FAM135B: variants seen among roughly 807,000 people sequenced by gnomAD.
FAM135B encodes family with sequence similarity 135 member B.
A neutral mutation model predicts 127.7 loss-of-function variants in FAM135B; 43 were observed. The observed-to-expected ratio is 0.34, with a 90% CI of 0.26 to 0.43. The LOEUF is 0.43. Among genes scored for constraint, FAM135B ranks in the 20% least tolerant of loss-of-function variants. FAM135B has a pLI of 1.00. For synonymous variants in FAM135B, 670 were observed against 665.1 expected, an observed-to-expected ratio of 1.01 and a Z score of -0.11; for missense variants, 1,558 against 1,725.6, an observed-to-expected ratio of 0.90 and a Z score of 1.72.
chr8:138,355,909 G>A (rs981510251), intron 2 of FAM135B, among the ~76,000 whole-genome samples: 4 of 152,250 alleles, frequency 2.6e-5, no homozygotes, highest in South Asian at 2.1e-4. Context: ...CCCTCCTAAC[G>A]GTGTTAAGAG....
chr8:138,488,963 C>G (rs1233518610), intron 1 of FAM135B, among the ~76,000 whole-genome samples: 1 of 152,172 alleles, frequency 6.6e-6, no homozygotes, highest in Admixed American at 6.5e-5. Context: ...TCACGCCCGG[C>G]GTTTGTTTGA....
chr8:138,202,635 A>G (rs558111703), intron 7 of FAM135B, among the ~76,000 whole-genome samples: 2 of 152,316 alleles, frequency 1.3e-5, no homozygotes, highest in African/African-American at 4.8e-5. Flanking sequence ...CATCACCTGA[A>G]AAGAGGGCAC....
At chr8:138,485,641 A>C (rs375109856) in intron 1 of FAM135B, among the ~76,000 whole-genome samples, 2 of 152,190 alleles carry the variant, frequency 1.3e-5, no homozygotes, top group Non-Finnish European at 1.5e-5. Flanking sequence ...AAGTCTTTCA[A>C]TCTCCTAGGG....
chr8:138,454,292 A>T (rs1460665069), intron 1 of FAM135B, among the ~76,000 whole-genome samples: 1 of 152,196 alleles, frequency 6.6e-6, no homozygotes, highest in Non-Finnish European at 1.5e-5. Flanking sequence ...CGTGAAGTGG[A>T]TGACTGGAAC....
intron 1 of FAM135B, among the ~76,000 whole-genome samples, chr8:138,391,223 G>A (rs1371772015): frequency 6.6e-6 from 1 of 152,020 alleles, no homozygotes; most frequent in Non-Finnish European, 1.5e-5. Context: ...GAAATGCAGG[G>A]TGGCAGGCCC....
Position 138,152,515 on chromosome 8 carries a change from T to C in FAM135B, c.1960A>G (p.Ile654Val), listed in dbSNP as rs1268337362. Reference protein sequence around the residue: ...LSSTLREPLDIRSSLKDSHTE... With the variant: ...LSSTLREPLDVRSSLKDSHTE... ...TGAGAGTCCTTTAGGGAAGACCTAA[T>C]ATCTAAGGGCTCCCTCAGGGTAGAA... Residue 654 changes from isoleucine to valine, a missense_variant, in exon 13 of 20, where the codon ATT becomes GTT. Around this residue, in one of 5 missense-constraint regions of FAM135B, gnomAD observed 923 missense variants for 865.3 expected, o/e 1.07. Transcript: ENST00000395297. The C allele has an allele frequency of 6.2e-7, 1 of 1,614,022 alleles. No homozygotes were observed. The highest frequency in any genetic ancestry group is 8.5e-7 in the Non-Finnish European group (1 of 1,180,040).
At chr8:138,450,014 T>G (rs1052629443) in intron 1 of FAM135B, among the ~76,000 whole-genome samples, 1 of 152,360 alleles carries the variant, frequency 6.6e-6, no homozygotes, top group Admixed American at 6.5e-5. Context: ...TCCTGCCTTC[T>G]GCCTCTTCTT....
intron 12 of FAM135B, among the ~76,000 whole-genome samples, chr8:138,159,728 A>C (rs1447963253): frequency 2.0e-5 from 3 of 151,760 alleles, no homozygotes; most frequent in Non-Finnish European, 4.4e-5. Context: ...CACATTGTGC[A>C]CTTGTACCCT....
At chr8:138,474,464 C>T (rs1814278138) in intron 1 of FAM135B, among the ~76,000 whole-genome samples, 1 of 152,104 alleles carries the variant, frequency 6.6e-6, no homozygotes, top group African/African-American at 2.4e-5. Flanking sequence ...TAACTTCCTC[C>T]CTCATGCCAG....
intron 2 of FAM135B, among the ~76,000 whole-genome samples, chr8:138,338,567 C>T: frequency 2.0e-5 from 3 of 150,430 alleles, no homozygotes; most frequent in Non-Finnish European, 3.0e-5. Context: ...GAGATACCAT[C>T]TCACACCAGT....
chr8:138,303,003 C>G (rs1587014966), intron 3 of FAM135B, among the ~76,000 whole-genome samples: 1 of 152,176 alleles, frequency 6.6e-6, no homozygotes, highest in Non-Finnish European at 1.5e-5. Context: ...TAAATTAGTT[C>G]AACCATTGTG....
chr8:138,238,695 C>T lies in FAM135B; in HGVS notation c.669+4247G>A, dbSNP rs73434945. On this transcript the variant is annotated intron_variant, in intron 7 of 19. Coordinates refer to ENST00000395297, the MANE Select transcript of FAM135B (RefSeq NM_015912.4). ...CTTCCAGCTGATGCTACAATCTGTGCGGATTCCAATGTTATTTGTTAATGC... is the reference window on the plus strand; with the variant it reads ...CTTCCAGCTGATGCTACAATCTGTGTGGATTCCAATGTTATTTGTTAATGC... 7.8e-3 allele frequency among the ~76,000 whole-genome samples: 1,181 copies of T among 152,274 alleles called. 18 individuals are homozygous for T. Among genetic ancestry groups the T allele is most frequent in the African/African-American group, 0.027 (1,105 of 41,552 alleles).
chr8:138,372,259 C>A (rs758991381), intron 1 of FAM135B, among the ~76,000 whole-genome samples: 2 of 152,194 alleles, frequency 1.3e-5, no homozygotes, highest in Non-Finnish European at 2.9e-5. Flanking sequence ...CCCTGGAACC[C>A]TAGTTACTGC....
intron 1 of FAM135B, among the ~76,000 whole-genome samples, chr8:138,395,846 G>A (rs1001849781): frequency 1.3e-5 from 2 of 152,134 alleles, no homozygotes; most frequent in Non-Finnish European, 2.9e-5. Flanking sequence ...TCTGCAAAGC[G>A]AGAATAATAG....
intron 7 of FAM135B, among the ~76,000 whole-genome samples, chr8:138,233,372 T>C (rs890674727): frequency 6.6e-6 from 1 of 152,116 alleles, no homozygotes; most frequent in African/African-American, 2.4e-5. Context: ...AACCAACTCA[T>C]ATACAACTGA....
intron 13 of FAM135B, chr8:138,148,890 A>G (rs1361333597): frequency 1.3e-5 from 4 of 316,620 alleles, no homozygotes; most frequent in East Asian, 1.3e-4. Flanking sequence ...TATAAAAACC[A>G]AACACCGCAT....
chr8:138,238,762 G>A (rs182521137), intron 7 of FAM135B, among the ~76,000 whole-genome samples: 1 of 152,342 alleles, frequency 6.6e-6, no homozygotes, highest in East Asian at 1.9e-4. Flanking sequence ...TCCCAGGGGA[G>A]GTGGAGGGAG....
intron 9 of FAM135B, among the ~76,000 whole-genome samples, chr8:138,190,835 A>C (rs1020209305): frequency 6.6e-6 from 1 of 152,186 alleles, no homozygotes; most frequent in Non-Finnish European, 1.5e-5. Flanking sequence ...ACCTATTGCC[A>C]ATCAGAAAAT....
At chr8:138,196,585 G>A (rs1018542190) in intron 8 of FAM135B, among the ~76,000 whole-genome samples, 2 of 152,148 alleles carry the variant, frequency 1.3e-5, no homozygotes, top group African/African-American at 4.8e-5. Flanking sequence ...AATGAACAAG[G>A]CCATTGACCC....
Sources: allele counts gnomAD v4.1 joint callset (sites outside exome capture counted in the v4.1 genomes callset), GRCh38; gene constraint gnomAD v4.1.1; regional missense constraint gnomAD v4.1.1; transcripts MANE v1.5; gene names NCBI Gene and HGNC (gene_info 2026-07-23, HGNC 2026-07-21).